TBC1D32: variants seen among roughly 807,000 people sequenced by gnomAD.
TBC1D32 encodes TBC1 domain family member 32.
Under a neutral mutation model 170.3 loss-of-function variants are expected in TBC1D32, and 151 were observed. That is an observed-to-expected ratio of 0.89 (90% CI 0.78 to 1.01). The LOEUF (loss-of-function observed/expected upper bound fraction) is 1.01. Ranked by LOEUF, TBC1D32 falls within the 50% of genes least tolerant of loss-of-function variation. The pLI, the probability that TBC1D32 is intolerant of heterozygous loss-of-function variation, is 0.00. For missense variants in TBC1D32, 1,464 were observed against 1,457.1 expected (o/e 1.00, Z -0.08); for synonymous variants, 498 against 488.0 (o/e 1.02, Z -0.27).
At chr6:121,225,770 T>G (rs2084114334) in intron 20 of TBC1D32, among the ~76,000 whole-genome samples, 1 of 152,078 alleles carries the variant, frequency 6.6e-6, no homozygotes, top group Admixed American at 6.6e-5. Context: ...TACATTCATT[T>G]CTCACACATC....
chr6:121,177,117 CAGT>C (rs1441915913), intron 22 of TBC1D32, among the ~76,000 whole-genome samples: 5 of 151,966 alleles, frequency 3.3e-5, no homozygotes, highest in African/African-American at 1.2e-4. Context: ...GATTGCTTAT[CAGT>C]AGCTGATATA....
chr6:121,139,858 T>C (rs541442215), intron 24 of TBC1D32: 33 of 152,276 alleles, frequency 2.2e-4, no homozygotes, highest in South Asian at 4.1e-4. Context: ...ATGTTATCTA[T>C]CATTAGTTTT....
intron 12 of TBC1D32, among the ~76,000 whole-genome samples, chr6:121,291,243 G>A (rs549144031): frequency 8.7e-4 from 132 of 152,134 alleles, no homozygotes; most frequent in African/African-American, 2.9e-3. Flanking sequence ...GCACTCATCA[G>A]TTCTAGGAAC....
chr6:121,226,762 G>A (rs571309655), intron 20 of TBC1D32, among the ~76,000 whole-genome samples: 2 of 152,112 alleles, frequency 1.3e-5, no homozygotes, highest in African/African-American at 4.8e-5. Context: ...GTATGGTCAC[G>A]AAGGGGAGAA....
chr6:121,287,028 G>C (rs1285571537), intron 12 of TBC1D32, among the ~76,000 whole-genome samples: 1 of 152,088 alleles, frequency 6.6e-6, no homozygotes, highest in East Asian at 1.9e-4. Context: ...GGAACAACCG[G>C]TACCAGCCAC....
intron 31 of TBC1D32, among the ~76,000 whole-genome samples, chr6:121,082,003 C>A (rs1775691512): frequency 6.6e-6 from 1 of 151,998 alleles, no homozygotes; most frequent in Non-Finnish European, 1.5e-5. Context: ...TACTTAATAC[C>A]ATTAAGGCTA....
chr6:121,207,936 A>G (rs538619312), intron 21 of TBC1D32, among the ~76,000 whole-genome samples: 1 of 152,234 alleles, frequency 6.6e-6, no homozygotes, highest in South Asian at 2.1e-4. Context: ...GTAATGTCCC[A>G]ATAGTTCCGC....
intron 20 of TBC1D32, among the ~76,000 whole-genome samples, chr6:121,230,687 A>G (rs149658797): frequency 0.012 from 1,774 of 151,620 alleles, 25 homozygotes; most frequent in African/African-American, 0.036. Context: ...ATATATACAC[A>G]TGTGTGTATA....
At chr6:121,211,223 T>C (rs956882442) in intron 21 of TBC1D32, among the ~76,000 whole-genome samples, 3 of 152,084 alleles carry the variant, frequency 2.0e-5, no homozygotes, top group Admixed American at 6.5e-5. Flanking sequence ...ATCTCCAAGA[T>C]AAGTAACAGA....
intron 21 of TBC1D32, among the ~76,000 whole-genome samples, chr6:121,208,965 G>GCC (rs1792688010): frequency 6.6e-6 from 1 of 152,070 alleles, no homozygotes; most frequent in Non-Finnish European, 1.5e-5. Flanking sequence ...ATAACAGGTA[G>GCC]CCCCTCCTAT....
At chr6:121,255,185 C>A in intron 17 of TBC1D32, 143 bp downstream of exon 17, 1 of 365,196 alleles carries the variant, frequency 2.7e-6, no homozygotes. Context: ...TAAAGTTTTT[C>A]CAAACTAATT....
chr6:121,239,275 C>A (rs1385261662), intron 19 of TBC1D32, 87 bp from the exon 20 acceptor site: 4 of 701,656 alleles, frequency 5.7e-6, no homozygotes, highest in Non-Finnish European at 7.3e-6. Flanking sequence ...TCTGATGAAT[C>A]TGGTCTACTC....
At chr6:121,302,259 G>C (rs1322722278) in intron 9 of TBC1D32, among the ~76,000 whole-genome samples, 1 of 152,028 alleles carries the variant, frequency 6.6e-6, no homozygotes, top group Admixed American at 6.6e-5. Context: ...AGATGCTCTG[G>C]AGCTACAACA....
intron 17 of TBC1D32, 100 bp from the exon 18 acceptor site, chr6:121,242,439 T>TG: frequency 8.6e-7 from 1 of 1,159,864 alleles, no homozygotes; most frequent in Non-Finnish European, 1.2e-6. Context: ...ACAATTAAAG[T>TG]TACACAGTAT....
chr6:121,200,039 AAAT>A (rs1791332966), intron 22 of TBC1D32, among the ~76,000 whole-genome samples: 1 of 151,418 alleles, frequency 6.6e-6, no homozygotes, highest in Admixed American at 6.6e-5. Flanking sequence ...GGTAAATATA[AAAT>A]AATAACAAAT....
chr6:121,159,701 T>C (rs938112861), intron 24 of TBC1D32, among the ~76,000 whole-genome samples: 1 of 152,138 alleles, frequency 6.6e-6, no homozygotes, highest in Non-Finnish European at 1.5e-5. Context: ...TAGGCAATTA[T>C]AGCACAATGG....
chr6:121,267,770 C>G (rs1193652918), intron 15 of TBC1D32, among the ~76,000 whole-genome samples: 1 of 152,146 alleles, frequency 6.6e-6, no homozygotes, highest in Non-Finnish European at 1.5e-5. Context: ...AGTAGTGGTT[C>G]TCCCTCTCTC....
At chr6:121,234,154 C>G (rs917988552) in intron 20 of TBC1D32, among the ~76,000 whole-genome samples, 3 of 152,034 alleles carry the variant, frequency 2.0e-5, no homozygotes, top group Non-Finnish European at 2.9e-5. Flanking sequence ...TTTTTTCCTT[C>G]ATCTTGATTT....
chr6:121,245,571 C>T (rs1026550829), intron 17 of TBC1D32, among the ~76,000 whole-genome samples: 2 of 152,270 alleles, frequency 1.3e-5, no homozygotes, highest in African/African-American at 4.8e-5. Flanking sequence ...GGCAGACAGC[C>T]TCTGTGATAA....
Sources: gnomAD v4.1 joint callset for allele counts (sites outside exome capture counted in the v4.1 genomes callset) on GRCh38, gnomAD v4.1.1 for gene constraint, MANE v1.5 for transcripts, NCBI Gene and HGNC (gene_info 2026-07-23, HGNC 2026-07-21) for gene names.